Variants in DENND4B observed in about 807,000 individuals in gnomAD.
DENND4B encodes DENN domain containing 4B.
DENND4B carries 67 observed loss-of-function variants against 161.0 expected under a neutral mutation model. The observed-to-expected ratio is 0.42, with a 90% CI of 0.34 to 0.51. DENND4B has a LOEUF of 0.51. Ranked by LOEUF, DENND4B falls within the 20% of genes least tolerant of loss-of-function variation. DENND4B has a pLI of 0.08. For missense variants in DENND4B, 1,481 were observed against 1,968.0 expected, an observed-to-expected ratio of 0.75 and a Z score of 4.68; for synonymous variants, 753 against 813.8, an observed-to-expected ratio of 0.93 and a Z score of 1.27.
In DENND4B at chr1:153,934,802, C is replaced by T. The variant is rs796837987; in HGVS notation, c.2731G>A (p.Glu911Lys). 5 of 1,590,562 alleles carry T rather than the reference C, an allele frequency of 3.1e-6. No homozygotes were observed. In the African/African-American group the frequency reaches 6.7e-5, roughly 21 times the overall value. Residue 911 changes from glutamate (E) to lysine (K), a missense_variant, in exon 18 of 28, where the codon GAG (glutamate) becomes AAG (lysine). Coordinates refer to ENST00000361217, the MANE Select transcript of DENND4B (RefSeq NM_014856.3). This position sits in a 1 kb window ranked among gnomAD's most constrained non-coding sequence, Gnocchi z 5.3. The part of the protein sequence containing the change: ...QQQQQQQQQQ[E>K]QVSAHQEAGS... ...GCCTCTTGATGTGCTGACACCTGCTCCTGCTGCTGCTGCTGCTGCTGCTGC... is the reference window on the plus strand; with the variant it reads ...GCCTCTTGATGTGCTGACACCTGCTTCTGCTGCTGCTGCTGCTGCTGCTGC...
rs370715705 is a variant in DENND4B, at chr1:153,932,989, C to A, written c.3495G>T (p.Ser1165=). 6.2e-7 allele frequency: 1 copy of A among 1,613,968 alleles called. No individual in the cohort carries two copies. Among genetic ancestry groups the A allele is most frequent in the South Asian group, 1.1e-5 (1 of 91,086 alleles). The change falls in exon 22 of 28, where the codon TCG becomes TCT. Residue 1165 remains serine, a synonymous_variant. Transcript: ENST00000361217. The surrounding 1 kb of genome is among the most constrained non-coding windows in gnomAD (Gnocchi z 5.8). ...SSCSLCRACD[S]LVYDEEIMAG... ...CCATGATTTCCTCATCATACACCAG[C>A]GAATCACAGGCACGGCACAGGGAGC...
intron 12 of DENND4B, among the ~76,000 whole-genome samples, chr1:153,939,274 T>TG (rs35006932): frequency 0.27 from 40,714 of 151,268 alleles, 5,993 homozygotes; most frequent in Admixed American, 0.38. Flanking sequence ...TGCCTCAGAC[T>TG]GGGGGGGGTC....
Position 153,944,122 on chromosome 1 carries a change from C to T in DENND4B, c.253G>A (p.Gly85Ser), listed in dbSNP as rs1004687936. The T allele has an allele frequency of 6.2e-7, 1 of 1,609,874 alleles. No individual in the cohort carries two copies. The highest frequency in any genetic ancestry group is 1.7e-5 in the Admixed American group (1 of 59,370). ...HPLELSAGLLGGTQPVICYRR... is the reference protein window; with the variant it reads ...HPLELSAGLLSGTQPVICYRR... ...TAGCAGATGACGGGTTGAGTTCCAC[C>T]CAGAAGTCCAGCACTGAGTTCCAAG... Residue 85 changes from glycine to serine, a missense_variant, in exon 2 of 28, where the codon GGT becomes AGT. Transcript: ENST00000361217. This position sits in a 1 kb window ranked among gnomAD's most constrained non-coding sequence, Gnocchi z 4.8.
Position 153,941,953 on chromosome 1 carries a change from C to A in DENND4B, c.971G>T (p.Trp324Leu). The change falls in exon 6 of 28, where the codon TGG becomes TTG. Residue 324 changes from tryptophan (W) to leucine (L), a missense_variant. Around this residue, in one of 3 missense-constraint regions of DENND4B, gnomAD observed 806 missense variants for 1,134.4 expected, o/e 0.71. Coordinates refer to ENST00000361217, the MANE Select transcript of DENND4B (RefSeq NM_014856.3). The part of the protein sequence containing the change: ...SRRAIAVLSR[W>L]PAFPAFRAFL... ...GGCGCGGAAGGCAGGGAAGGCAGGC[C>A]AGCGGGACAGCACAGCGATGGCACG... is the stretch of plus-strand genomic sequence containing the variant. The A allele has an allele frequency of 6.2e-7, 1 of 1,612,452 alleles. No individual in the cohort carries two copies. The highest frequency in any genetic ancestry group is 8.5e-7 in the Non-Finnish European group (1 of 1,179,862).
Position 153,932,576 on chromosome 1 carries a change from G to A in DENND4B, c.3759+66C>T. On this transcript the variant is annotated intron_variant, in intron 23 of 27. Transcript: ENST00000361217. This position sits in a 1 kb window ranked among gnomAD's most constrained non-coding sequence, Gnocchi z 5.8. Reference sequence around the variant, plus strand: ...GCAAGAGATGTGCCCATCTCTCCCTGGCACCCCACAGGCCCCACACAGGGC... The same window carrying A: ...GCAAGAGATGTGCCCATCTCTCCCTAGCACCCCACAGGCCCCACACAGGGC... 1 of 1,575,208 alleles carries A rather than the reference G, an allele frequency of 6.3e-7. No individual in the cohort carries two copies. Among genetic ancestry groups the A allele is most frequent in the South Asian group, 1.2e-5 (1 of 86,100 alleles).
chr1:153,936,405 T>G lies in DENND4B; in HGVS notation c.2439+137A>C. On this transcript the variant is annotated intron_variant, in intron 16 of 27. Coordinates refer to ENST00000361217, the MANE Select transcript of DENND4B (RefSeq NM_014856.3). This position sits in a 1 kb window ranked among gnomAD's most constrained non-coding sequence, Gnocchi z 4.1. The stretch of plus-strand genomic sequence containing the variant: ...AACATGCTTATTCACTCGACGAATG[T>G]TTATAGATAATCTGCCCAGCTCTGG... The G allele has an allele frequency of 8.5e-7, 1 of 1,171,386 alleles. No individual in the cohort carries two copies. Among genetic ancestry groups the G allele is most frequent in the Non-Finnish European group, 1.2e-6 (1 of 841,206 alleles). The allele number at this position is 1,171,386 out of a possible 1,614,324, so 72.6% of individuals were successfully genotyped here.
At chr1:153,945,570 A>ACACACGCACACACACACG (rs1557860802) in intron 1 of DENND4B, among the ~76,000 whole-genome samples, 4 of 151,830 alleles carry the variant, frequency 2.6e-5, no homozygotes, top group Non-Finnish European at 5.9e-5. Flanking sequence ...ACACACACAC[A>ACACACGCACACACACACG]CACACGCACA....
At position 153,944,459 on chromosome 1, in the gene DENND4B, G is replaced by A; in HGVS notation, c.-23-62C>T. On this transcript the variant is annotated intron_variant, in intron 1 of 27. Coordinates refer to ENST00000361217, the MANE Select transcript of DENND4B (RefSeq NM_014856.3). The surrounding 1 kb of genome is among the most constrained non-coding windows in gnomAD (Gnocchi z 4.8). ...AGGCTGGGGATGCCATGGCAACCAGGGTACCCTCTTGCTCCCCTCCTCTTC... is the reference window on the plus strand; with the variant it reads ...AGGCTGGGGATGCCATGGCAACCAGAGTACCCTCTTGCTCCCCTCCTCTTC... The A allele has an allele frequency of 6.2e-6, 9 of 1,457,016 alleles. No homozygotes were observed. Among genetic ancestry groups the A allele is most frequent in the Non-Finnish European group, 8.2e-6 (9 of 1,094,378 alleles). The allele number at this position is 1,457,016 out of a possible 1,614,324, so 90.3% of individuals were successfully genotyped here. A position where few individuals can be genotyped will look rare whatever the true frequency, so the allele number is the denominator to read the frequency against.
rs1679827693 is a variant in DENND4B at position 153,944,089 on chromosome 1, C to T, written c.286G>A (p.Gly96Ser). The T allele has an allele frequency of 1.3e-6, 2 of 1,592,170 alleles. No individual in the cohort carries two copies. Among genetic ancestry groups the T allele is most frequent in the Admixed American group, 1.7e-5 (1 of 57,872 alleles). ...GTQPVICYRR[G>S]RDKPPLVELG... ...TCAACGAGGGGGGGCTTGTCACGGC[C>T]CCTGCGGTAGCAGATGACGGGTTGA... The change falls in exon 2 of 28, where the codon GGC becomes AGC. Residue 96 changes from glycine (G) to serine (S), a missense_variant. Coordinates refer to ENST00000361217, the MANE Select transcript of DENND4B (RefSeq NM_014856.3). This position sits in a 1 kb window ranked among gnomAD's most constrained non-coding sequence, Gnocchi z 4.8.
Position 153,940,763 on chromosome 1 carries a change from A to T in DENND4B, c.1326+141T>A, listed in dbSNP as rs1043572858. 7 of 1,436,764 alleles carry T rather than the reference A, an allele frequency of 4.9e-6. No homozygotes were observed. The highest frequency in any genetic ancestry group is 4.8e-5 in the Admixed American group (2 of 41,654). 89.0% of individuals were successfully genotyped at this position (1,436,764 alleles called of 1,614,324 possible). ...TAGAGAAGAGCTCCTGATGGAAGCT[A>T]TGTGTTCCTGCAGGCTGTGCCCAGG... On this transcript the variant is annotated intron_variant, in intron 9 of 27. Transcript: ENST00000361217. The surrounding 1 kb of genome is among the most constrained non-coding windows in gnomAD (Gnocchi z 5.6).
At position 153,942,905 on chromosome 1, in the gene DENND4B, C is replaced by T; in HGVS notation, c.543G>A (p.Arg181=). Residue 181 remains arginine (R), a synonymous_variant, in exon 3 of 28, where the codon CGG becomes CGA. Coordinates refer to ENST00000361217, the MANE Select transcript of DENND4B (RefSeq NM_014856.3). The surrounding 1 kb of genome is among the most constrained non-coding windows in gnomAD (Gnocchi z 6.9). ...KGEGTPHTYC[R]LPRNLNPGMW... is the part of the protein sequence containing the mutation. ...TGCCAGGGTTGAGGTTGCGGGGCAG[C>T]CGGCAGTAAGTATGAGGAGTGCCCT... 1 of 1,602,450 alleles carries T rather than the reference C, an allele frequency of 6.2e-7. No individual in the cohort carries two copies. Among genetic ancestry groups the T allele is most frequent in the Non-Finnish European group, 8.5e-7 (1 of 1,170,930 alleles).
chr1:153,932,043 G>A lies in DENND4B; in HGVS notation c.3996+161C>T. ...GCTGGTCTCGAACTCCTGACCTCAG[G>A]TGATTCGCCCACCTCGGCCTCCCAA... On this transcript the variant is annotated intron_variant, in intron 24 of 27. Transcript: ENST00000361217. The surrounding 1 kb of genome is among the most constrained non-coding windows in gnomAD (Gnocchi z 5.8). 2 of 633,392 alleles carry A rather than the reference G, an allele frequency of 3.2e-6. No homozygotes were observed. The highest frequency in any genetic ancestry group is 3.9e-5 in the South Asian group (2 of 50,942). 39.2% of individuals were successfully genotyped at this position (633,392 alleles called of 1,614,324 possible). A position where few individuals can be genotyped will look rare whatever the true frequency, so the allele number is the denominator to read the frequency against.
At position 153,946,166 on chromosome 1, in the gene DENND4B, C is replaced by T. The variant is rs1301984191; in HGVS notation, c.-24+135G>A. On this transcript the variant is annotated intron_variant, in intron 1 of 27. Coordinates refer to ENST00000361217, the MANE Select transcript of DENND4B (RefSeq NM_014856.3). This position sits in a 1 kb window ranked among gnomAD's most constrained non-coding sequence, Gnocchi z 6.3. ...GGTGCCCTCCCCTCCACTTTCACTT[C>T]CCCAGGAGAGAGGAACCGGAACCAG... 1 of 294,378 alleles carries T rather than the reference C, an allele frequency of 3.4e-6. No individual in the cohort carries two copies. The highest frequency in any genetic ancestry group is 6.2e-6 in the Non-Finnish European group (1 of 160,256). The allele number at this position is 294,378 out of a possible 1,614,324, so 18.2% of individuals were successfully genotyped here. A position where few individuals can be genotyped will look rare whatever the true frequency, so the allele number is the denominator to read the frequency against.
rs1386455763 is a variant in DENND4B, at chr1:153,931,014, C to A, written c.4047G>T (p.Leu1349=). 3.7e-6 allele frequency: 6 copies of A among 1,612,970 alleles called. No homozygotes were observed. Among genetic ancestry groups the A allele is most frequent in the Non-Finnish European group, 5.1e-6 (6 of 1,179,612 alleles). ...TPDPASVQVR[L]LWDVLTPDPN... is the part of the protein sequence containing the mutation. ...GGTCAGGGGTCAGTACATCCCACAG[C>A]AGCCGTACCTGAACAGAGGCTGGAT... is the stretch of plus-strand genomic sequence containing the variant. Residue 1349 remains leucine, a synonymous_variant, in exon 25 of 28, where the codon CTG becomes CTT. Transcript: ENST00000361217.
Position 153,934,870 on chromosome 1 carries a change from C to A in DENND4B, c.2663G>T (p.Arg888Leu), listed in dbSNP as rs763617335. The A allele has an allele frequency of 1.2e-6, 2 of 1,613,568 alleles. No homozygotes were observed. The highest frequency in any genetic ancestry group is 1.3e-5 in the African/African-American group (1 of 75,010). Residue 888 changes from arginine to leucine, a missense_variant, in exon 18 of 28, where the codon CGC (arginine) becomes CTC (leucine). Arg to Leu is a moderately radical substitution (Grantham distance 102, BLOSUM62 -2). Transcript: ENST00000361217. This position sits in a 1 kb window ranked among gnomAD's most constrained non-coding sequence, Gnocchi z 5.3. The stretch of plus-strand genomic sequence containing the variant: ...CTGTTGCCGTTCTCTCAAGGGCTGG[C>A]GGAACTGAGCAGCCCCCAGGACAAC... ...RNVVLGAAQF[R>L]QPLRERQQQQ...
In DENND4B at chr1:153,942,865, T is replaced by C. The variant is rs1203001792; in HGVS notation, c.570+13A>G. The C allele has an allele frequency of 6.3e-7, 1 of 1,587,332 alleles. No individual in the cohort carries two copies. The highest frequency in any genetic ancestry group is 8.6e-7 in the Non-Finnish European group (1 of 1,162,416). On this transcript the variant is annotated intron_variant, in intron 3 of 27. Transcript: ENST00000361217. The surrounding 1 kb of genome is among the most constrained non-coding windows in gnomAD (Gnocchi z 6.9). ...ACCAAGAGGACCAGGTGTCAGCTCT[T>C]GGCCCCACTCACCATGCCAGGGTTG...
At chr1:153,945,247 C>T (rs999714569) in intron 1 of DENND4B, 7 of 1,113,080 alleles carry the variant, frequency 6.3e-6, no homozygotes, top group Admixed American at 5.1e-5. Flanking sequence ...GGCCCAGAAG[C>T]GTGGGGGGTG....
intron 12 of DENND4B, among the ~76,000 whole-genome samples, chr1:153,939,256 G>C (rs934818347): frequency 6.7e-6 from 1 of 149,804 alleles, no homozygotes; most frequent in East Asian, 2.0e-4. Flanking sequence ...TTGTCTGCCT[G>C]TACCCACTGC....
At position 153,946,064 on chromosome 1, in the gene DENND4B, G is replaced by C. The variant is rs1327150715; in HGVS notation, c.-24+237C>G. ...GCCGCCGCGTGACCCAAGCGGGAGG[G>C]AGGGCGGCTCCGACTCCGGCACCCA... On this transcript the variant is annotated intron_variant, in intron 1 of 27. Coordinates refer to ENST00000361217, the MANE Select transcript of DENND4B (RefSeq NM_014856.3). The surrounding 1 kb of genome is among the most constrained non-coding windows in gnomAD (Gnocchi z 6.3). Among the ~76,000 whole-genome samples the C allele has an allele frequency of 6.6e-6, 1 of 152,176 alleles. No homozygotes were observed. Among genetic ancestry groups the C allele is most frequent in the Admixed American group, 6.5e-5 (1 of 15,288 alleles).
Sources: gnomAD v4.1 joint callset for allele counts (sites outside exome capture counted in the v4.1 genomes callset) on GRCh38, gnomAD v4.1.1 for gene constraint, gnomAD v4.1.1 regional missense constraint, Gnocchi (gnomAD v3.1) non-coding constraint, MANE v1.5 for transcripts, NCBI Gene and HGNC (gene_info 2026-07-23, HGNC 2026-07-21) for gene names.